GABRB3: variants seen among roughly 807,000 people sequenced by gnomAD.
The protein encoded by GABRB3 is gamma-aminobutyric acid receptor subunit beta-3.
Under a neutral mutation model 52.1 loss-of-function variants are expected in GABRB3, and 14 were observed. The observed-to-expected ratio is 0.27, with a 90% CI of 0.18 to 0.42. GABRB3 has a LOEUF of 0.42. GABRB3 is among the 10% of genes least tolerant of loss of function. The probability of loss-of-function intolerance (pLI) is 1.00; values close to 1 mark genes in which losing one functional copy is unlikely to be tolerated. For synonymous variants in GABRB3, 260 were observed against 232.3 expected, an observed-to-expected ratio of 1.12 and a Z score of -1.08; for missense variants, 307 against 609.1, an observed-to-expected ratio of 0.50 and a Z score of 5.22.
At chr15:26,707,996 C>G (rs566968283) in intron 3 of GABRB3, among the ~76,000 whole-genome samples, 11 of 152,124 alleles carry the variant, frequency 7.2e-5, no homozygotes, top group Non-Finnish European at 1.3e-4. Flanking sequence ...ATCTTAAATG[C>G]TCCAGTGAGC....
At chr15:26,593,548 G>A (rs901061902) in intron 4 of GABRB3, among the ~76,000 whole-genome samples, 1 of 152,052 alleles carries the variant, frequency 6.6e-6, no homozygotes, top group Admixed American at 6.5e-5. Context: ...CCACACATAA[G>A]TGAAATCATA....
chr15:26,549,460 C>T (rs1889377317), intron 8 of GABRB3, among the ~76,000 whole-genome samples: 1 of 152,138 alleles, frequency 6.6e-6, no homozygotes, highest in Non-Finnish European at 1.5e-5. Flanking sequence ...TTTGGTAACA[C>T]CATTCTGGGT....
At chr15:26,756,371 C>T (rs1441497607) in intron 3 of GABRB3, among the ~76,000 whole-genome samples, 2 of 150,876 alleles carry the variant, frequency 1.3e-5, no homozygotes, top group East Asian at 2.0e-4. Flanking sequence ...AGTTTGAGAC[C>T]ACCCCAGGCA....
intron 3 of GABRB3, among the ~76,000 whole-genome samples, chr15:26,697,592 C>A (rs1171128117): frequency 2.0e-5 from 3 of 152,126 alleles, no homozygotes; most frequent in Non-Finnish European, 4.4e-5. Context: ...ATATGCCAGT[C>A]CATACCCACA....
intron 3 of GABRB3, among the ~76,000 whole-genome samples, chr15:26,769,803 G>C (rs1891097948): frequency 6.6e-6 from 1 of 152,140 alleles, no homozygotes; most frequent in Non-Finnish European, 1.5e-5. Flanking sequence ...TCTGTCACTT[G>C]TTCCTCTAAT....
intron 3 of GABRB3, among the ~76,000 whole-genome samples, chr15:26,672,312 T>C (rs908484602): frequency 3.9e-5 from 6 of 152,216 alleles, no homozygotes; most frequent in South Asian, 2.1e-4. Context: ...CCAGGGAAGA[T>C]TGACTGTTAT....
intron 3 of GABRB3, among the ~76,000 whole-genome samples, chr15:26,726,403 A>T (rs997409582): frequency 3.9e-5 from 6 of 152,190 alleles, no homozygotes; most frequent in African/African-American, 1.4e-4. Context: ...TAACTAATTC[A>T]CAAGTCTTAT....
chr15:26,559,287 T>G (rs143221200), intron 8 of GABRB3, among the ~76,000 whole-genome samples: 19 of 152,312 alleles, frequency 1.2e-4, no homozygotes, highest in Non-Finnish European at 2.5e-4. Flanking sequence ...GTTCCTACTT[T>G]TGCCATGTAA....
At chr15:26,732,198 A>C (rs1889938604) in intron 3 of GABRB3, among the ~76,000 whole-genome samples, 1 of 151,238 alleles carries the variant, frequency 6.6e-6, no homozygotes, top group Admixed American at 6.6e-5. Context: ...GTATAGATGG[A>C]TGGGTGGATG....
At chr15:26,642,150 C>T (rs997711070) in intron 3 of GABRB3, among the ~76,000 whole-genome samples, 4 of 152,322 alleles carry the variant, frequency 2.6e-5, no homozygotes, top group African/African-American at 9.6e-5. Flanking sequence ...GCCTCGGTCT[C>T]CCAAAGCACT....
intron 4 of GABRB3, among the ~76,000 whole-genome samples, chr15:26,610,679 C>T (rs1054342061): frequency 6.6e-6 from 1 of 152,136 alleles, no homozygotes; most frequent in Non-Finnish European, 1.5e-5. Context: ...TCTCTGGAGC[C>T]TAACTGGAAA....
chr15:26,596,601 C>T (rs1891403435), intron 4 of GABRB3, among the ~76,000 whole-genome samples: 1 of 152,046 alleles, frequency 6.6e-6, no homozygotes, highest in East Asian at 1.9e-4. Flanking sequence ...AAAGGAATAT[C>T]AACCCTTTCA....
At chr15:26,759,612 CTGCATTAAA>C (rs1475872198) in intron 3 of GABRB3, among the ~76,000 whole-genome samples, 1 of 152,210 alleles carries the variant, frequency 6.6e-6, no homozygotes, top group Non-Finnish European at 1.5e-5. Context: ...TTAAAATTAT[CTGCATTAAA>C]TGCTGGCTCC....
chr15:26,659,210 T>C (rs1293730434), intron 3 of GABRB3, among the ~76,000 whole-genome samples: 2 of 152,178 alleles, frequency 1.3e-5, no homozygotes. Flanking sequence ...GTTTGAAAAA[T>C]GAAACCAATA....
chr15:26,683,183 G>A (rs563568156), intron 3 of GABRB3, among the ~76,000 whole-genome samples: 3 of 152,020 alleles, frequency 2.0e-5, no homozygotes, highest in Admixed American at 6.6e-5. Flanking sequence ...CTCTTTTGTC[G>A]GGCCTCTATT....
intron 3 of GABRB3, among the ~76,000 whole-genome samples, chr15:26,654,004 T>C (rs1242945290): frequency 6.6e-6 from 1 of 152,160 alleles, no homozygotes; most frequent in Non-Finnish European, 1.5e-5. Flanking sequence ...AAACAATAAA[T>C]CCCAAATGCA....
At chr15:26,564,724 A>G (rs1369408474) in intron 7 of GABRB3, among the ~76,000 whole-genome samples, 1 of 152,262 alleles carries the variant, frequency 6.6e-6, no homozygotes, top group Non-Finnish European at 1.5e-5. Flanking sequence ...AAAGCCCTCC[A>G]AACTATAGCT....
chr15:26,773,648 C>T, upstream of GABRB3: 1 of 1,562,928 alleles, frequency 6.4e-7, no homozygotes, highest in Non-Finnish European at 8.7e-7. Flanking sequence ...GCCTCACCTG[C>T]GGGGCTCAGA....
intron 3 of GABRB3, among the ~76,000 whole-genome samples, chr15:26,693,875 TC>T (rs1888658734): frequency 6.6e-6 from 1 of 152,092 alleles, no homozygotes; most frequent in African/African-American, 2.4e-5. Context: ...TGAGAGTTTT[TC>T]CCACCAATAG....
Sources: allele counts gnomAD v4.1 joint callset (sites outside exome capture counted in the v4.1 genomes callset), GRCh38; gene constraint gnomAD v4.1.1; transcripts MANE v1.5; gene names NCBI Gene and HGNC (gene_info 2026-07-23, HGNC 2026-07-21).